PRH1: variants seen among roughly 807,000 people sequenced by gnomAD.
The protein encoded by PRH1 is proline rich protein HaeIII subfamily 1, also known as salivary acidic proline-rich phosphoprotein 1/2.
A neutral mutation model predicts 7.9 loss-of-function variants in PRH1; 7 were observed. The observed-to-expected ratio is 0.89, with a 90% confidence interval of 0.50 to 1.67. PRH1 has a LOEUF of 1.67. Ranked by LOEUF, PRH1 falls within the 40% of genes most tolerant of loss-of-function variation. The probability of loss-of-function intolerance (pLI) is 0.00; values close to 1 mark genes in which losing one functional copy is unlikely to be tolerated. For synonymous variants in PRH1, 45 were observed against 80.8 expected (o/e 0.56, Z 2.38); for missense variants, 109 against 223.6 (o/e 0.49, Z 3.27).
chr12:11,166,346 G>A (rs1947583936), intron 1 of PRH1: 1 of 152,430 alleles, frequency 6.6e-6, no homozygotes, highest in African/African-American at 2.4e-5. Flanking sequence ...TTTCTGTTTA[G>A]CCAGCATGCA....
At chr12:11,064,627 G>T (rs1227165620) in intron 1 of PRH1, among the ~76,000 whole-genome samples, 4 of 151,802 alleles carry the variant, frequency 2.6e-5, no homozygotes, top group Non-Finnish European at 5.9e-5. Context: ...TCTATTTTTT[G>T]CCATTTGCAT....
At position 10,997,878 on chromosome 12, in the gene PRH1, C is replaced by G. The variant is rs1214467709; in HGVS notation, c.-125-24157G>C. ...ACAATGTGTAGAAAACTCATCATGT[C>G]TAAACAAAAAAGCAAGTAAAAAATT... On this transcript the variant is annotated intron_variant, in intron 1 of 3. Coordinates refer to the PRH1 transcript ENST00000539853. The G allele has an allele frequency of 4.5e-6, 7 of 1,565,224 alleles. No individual in the cohort carries two copies. In the South Asian group the frequency reaches 8.5e-5, roughly 19 times the overall value.
intron 2 of PRH1, chr12:10,891,333 A>G (rs10492099): frequency 0.49 from 74,707 of 152,084 alleles, 20,786 homozygotes; most frequent in East Asian, 0.72. Context: ...GAGATCTTTA[A>G]TCTGTCTACC....
At chr12:11,024,035 A>T (rs897017299) in intron 1 of PRH1, among the ~76,000 whole-genome samples, 1 of 152,254 alleles carries the variant, frequency 6.6e-6, no homozygotes, top group Non-Finnish European at 1.5e-5. Flanking sequence ...TAAACCTAAA[A>T]GAAAAACCTA....
rs573636937 is a variant in PRH1 at position 11,032,272 on chromosome 12, A to G, written c.-126+14748T>C. On this transcript the variant is annotated intron_variant, in intron 1 of 3. Transcript: ENST00000539853. ...AGTTTTGTAACTCAATATATATATC[A>G]TATAGTAAATATCTAAATTCTCAAA... is the stretch of plus-strand genomic sequence containing the variant. 5.9e-5 allele frequency among the ~76,000 whole-genome samples: 9 copies of G among 152,318 alleles called. No individual in the cohort carries two copies. In the South Asian group the frequency reaches 1.7e-3, roughly 28 times the overall value.
At chr12:10,898,564 T>C (rs548843357) in intron 2 of PRH1, among the ~76,000 whole-genome samples, 1 of 152,290 alleles carries the variant, frequency 6.6e-6, no homozygotes, top group East Asian at 1.9e-4. Context: ...TTAAATGCCC[T>C]TAATAAGTTG....
At chr12:10,918,860 G>A (rs373751101) in intron 2 of PRH1, among the ~76,000 whole-genome samples, 1 of 152,060 alleles carries the variant, frequency 6.6e-6, no homozygotes, top group East Asian at 1.9e-4. Context: ...TTATAAAACA[G>A]TAAAAGTATT....
At chr12:10,974,570 G>T (rs1251879020) in intron 1 of PRH1, among the ~76,000 whole-genome samples, 2 of 151,964 alleles carry the variant, frequency 1.3e-5, no homozygotes, top group Non-Finnish European at 2.9e-5. Context: ...GCTAGTAAAT[G>T]AAACCCACCT....
chr12:11,017,749 T>A (rs1941369826), intron 1 of PRH1, among the ~76,000 whole-genome samples: 1 of 152,056 alleles, frequency 6.6e-6, no homozygotes, highest in African/African-American at 2.4e-5. Context: ...TGCGTTGGTC[T>A]CCCAAAGTGC....
intron 1 of PRH1, among the ~76,000 whole-genome samples, chr12:11,041,302 A>AC (rs1297171953): frequency 4.3e-4 from 63 of 147,676 alleles, no homozygotes; most frequent in Admixed American, 2.3e-3. Flanking sequence ...AAAAAAAAAA[A>AC]AAAAAAAAAC....
intron 1 of PRH1, among the ~76,000 whole-genome samples, chr12:11,110,613 T>C (rs977619759): frequency 7.9e-5 from 12 of 152,202 alleles, no homozygotes; most frequent in African/African-American, 2.9e-4. Flanking sequence ...TAAGAGATTT[T>C]GTTACCACCA....
chr12:10,919,946 C>T (rs191958014), intron 2 of PRH1, among the ~76,000 whole-genome samples: 193 of 151,022 alleles, frequency 1.3e-3, no homozygotes, highest in African/African-American at 4.2e-3. Context: ...GCTCTGTAGC[C>T]CAGGCTGGAG....
At chr12:11,049,825 G>A (rs900666565), upstream of PRH1, among the ~76,000 whole-genome samples, 3 of 152,104 alleles carry the variant, frequency 2.0e-5, no homozygotes, top group African/African-American at 4.8e-5. Context: ...GGAAAGTCCT[G>A]GGAGGCCAAT....
upstream of PRH1, among the ~76,000 whole-genome samples, chr12:10,886,231 C>T (rs1207397498): frequency 6.6e-6 from 1 of 152,090 alleles, no homozygotes; most frequent in East Asian, 1.9e-4. Context: ...AGTCCTGCCT[C>T]GGTGACTTCA....
intron 1 of PRH1, chr12:11,022,629 C>A: frequency 7.8e-7 from 1 of 1,281,086 alleles, no homozygotes; most frequent in Non-Finnish European, 1.1e-6. Context: ...CCTTTAACAT[C>A]CAGATGTTAA....
intron 1 of PRH1, among the ~76,000 whole-genome samples, chr12:11,010,514 T>A (rs912055457): frequency 2.0e-5 from 3 of 151,916 alleles, no homozygotes; most frequent in African/African-American, 7.2e-5. Context: ...AACCAACATA[T>A]TCCCAATGAT....
chr12:11,125,473 G>A (rs1946084831), intron 1 of PRH1, among the ~76,000 whole-genome samples: 1 of 152,264 alleles, frequency 6.6e-6, no homozygotes, highest in South Asian at 2.1e-4. Context: ...CAAAATCTGG[G>A]TGATTTTATT....
chr12:11,007,796 C>T (rs951878827), intron 1 of PRH1, among the ~76,000 whole-genome samples: 1 of 152,036 alleles, frequency 6.6e-6, no homozygotes, highest in Non-Finnish European at 1.5e-5. Context: ...TGAGATCACC[C>T]CCTCCAGATG....
chr12:11,152,829 T>C (rs1020716828), intron 1 of PRH1, among the ~76,000 whole-genome samples: 1 of 152,218 alleles, frequency 6.6e-6, no homozygotes, highest in Non-Finnish European at 1.5e-5. Flanking sequence ...TGGGCCTTCT[T>C]GTATTTTGAT....
Sources: gnomAD v4.1 joint callset for allele counts (sites outside exome capture counted in the v4.1 genomes callset) on GRCh38, gnomAD v4.1.1 for gene constraint, MANE v1.5 for transcripts, NCBI Gene and HGNC (gene_info 2026-07-23, HGNC 2026-07-21) for gene names.